The following FOXP4 variants were observed in gnomAD, a reference collection of about 807,000 sequenced individuals.
FOXP4 encodes forkhead box protein P4.
Under a neutral mutation model 82.6 loss-of-function variants are expected in FOXP4, and 25 were observed. The observed-to-expected ratio is 0.30, with a 90% CI of 0.22 to 0.42. The LOEUF (loss-of-function observed/expected upper bound fraction) is 0.42, where lower values mean the gene tolerates loss of function less well. FOXP4 is among the 10% of genes least tolerant of loss of function. The probability of loss-of-function intolerance (pLI) is 1.00; values close to 1 mark genes in which losing one functional copy is unlikely to be tolerated. For synonymous variants in FOXP4, 415 were observed against 388.2 expected (o/e 1.07, Z -0.81); for missense variants, 785 against 900.9 (o/e 0.87, Z 1.65).
At position 41,599,185 on chromosome 6, in the gene FOXP4, A is replaced by T; in HGVS notation, c.*249A>T. The T allele has an allele frequency of 2.6e-6, 1 of 382,314 alleles. No individual in the cohort carries two copies. The highest frequency in any genetic ancestry group is 6.3e-5 in the South Asian group (1 of 15,960). The allele number at this position is 382,314 out of a possible 1,614,324, so 23.7% of individuals were successfully genotyped here. A position where few individuals can be genotyped will look rare whatever the true frequency, so the allele number is the denominator to read the frequency against. ...ACACGGAGGGTTCAGACCCCTCCTCAGACCCTCCCCACATCTGAAACTGCC... is the reference window on the plus strand; with the variant it reads ...ACACGGAGGGTTCAGACCCCTCCTCTGACCCTCCCCACATCTGAAACTGCC... On this transcript the variant is annotated 3_prime_UTR_variant, in exon 17 of 17. Coordinates refer to ENST00000307972, the MANE Select transcript of FOXP4 (RefSeq NM_001012426.2).
Position 41,587,057 on chromosome 6 carries a change from C to G in FOXP4, c.559C>G (p.Gln187Glu), listed in dbSNP as rs760750338. 5 of 1,606,648 alleles carry G rather than the reference C, an allele frequency of 3.1e-6. No individual in the cohort carries two copies. In the African/African-American group the frequency reaches 4.0e-5, roughly 13 times the overall value. The change falls in exon 6 of 17, where the codon CAA (glutamine) becomes GAA (glutamate). Residue 187 changes from glutamine (Q) to glutamate (E), a missense_variant. By Grantham distance (29) the Gln-to-Glu change is conservative (BLOSUM62 2). This residue lies in a region of FOXP4 where 570 missense variants were observed against 634.0 expected (regional missense o/e 0.90). Transcript: ENST00000307972. ...CTTCCAGCAGCAGCTCCTGCAAATG[C>G]AACAGTTGCAGCAGCAGCACCTGCT... ...LAFQQQLLQM[Q>E]QLQQQHLLNL...
intron 3 of FOXP4, among the ~76,000 whole-genome samples, chr6:41,581,882 G>T (rs771329783): frequency 6.6e-6 from 1 of 152,252 alleles, no homozygotes; most frequent in Admixed American, 6.5e-5. Flanking sequence ...AGGAAGGAAA[G>T]GCCACATCCT....
intron 1 of FOXP4, among the ~76,000 whole-genome samples, chr6:41,549,289 T>C (rs914250004): frequency 3.9e-5 from 6 of 151,942 alleles, no homozygotes; most frequent in African/African-American, 1.5e-4. Flanking sequence ...CCCTGAGCCC[T>C]GGAGAGAGAA....
At chr6:41,592,164 C>CCTG (rs1766558541) in intron 13 of FOXP4, among the ~76,000 whole-genome samples, 1 of 152,076 alleles carries the variant, frequency 6.6e-6, no homozygotes, top group Non-Finnish European at 1.5e-5. Context: ...CTTGAGTCCC[C>CCTG]CTGCTGGCCA....
At chr6:41,578,569 G>A (rs542026401) in intron 3 of FOXP4, among the ~76,000 whole-genome samples, 3 of 151,192 alleles carry the variant, frequency 2.0e-5, no homozygotes, top group Non-Finnish European at 4.4e-5. Flanking sequence ...CAGCTCTCTC[G>A]CAGTCTCTCC....
chr6:41,550,241 G>T (rs565532818), intron 1 of FOXP4, among the ~76,000 whole-genome samples: 2 of 152,132 alleles, frequency 1.3e-5, no homozygotes, highest in African/African-American at 4.8e-5. Context: ...TAAGCTCTTC[G>T]AACCTCAATT....
chr6:41,547,930 C>G (rs1176449795), intron 1 of FOXP4, among the ~76,000 whole-genome samples: 1 of 152,374 alleles, frequency 6.6e-6, no homozygotes, highest in Non-Finnish European at 1.5e-5. Flanking sequence ...TAGAATGCGA[C>G]CTGGGGTCCC....
intron 15 of FOXP4, 125 bp from the exon 16 acceptor site, chr6:41,597,656 C>A: frequency 8.0e-7 from 1 of 1,249,260 alleles, no homozygotes; most frequent in Admixed American, 2.3e-5. Flanking sequence ...CCAGACAGAT[C>A]CGCCCGTGGG....
intron 12 of FOXP4, among the ~76,000 whole-genome samples, chr6:41,590,955 A>G (rs961518794): frequency 6.6e-6 from 1 of 152,228 alleles, no homozygotes; most frequent in Non-Finnish European, 1.5e-5. Context: ...TTTTCTCTCC[A>G]GAAGCAGCTC....
intron 8 of FOXP4, 117 bp from the exon 9 acceptor site, chr6:41,588,527 G>A (rs1766300021): frequency 3.1e-6 from 3 of 971,732 alleles, no homozygotes; most frequent in Non-Finnish European, 4.9e-6. Context: ...TCTCTTCTTT[G>A]TATCTCTTGG....
intron 4 of FOXP4, 136 bp from the exon 5 acceptor site, chr6:41,585,295 C>T: frequency 2.3e-6 from 2 of 884,330 alleles, no homozygotes; most frequent in Non-Finnish European, 3.5e-6. Flanking sequence ...CAGGGCCCCT[C>T]CAGGCTGACT....
chr6:41,598,027 G>T, intron 16 of FOXP4, 77 bp downstream of exon 16: 1 of 1,289,550 alleles, frequency 7.8e-7, no homozygotes, highest in Non-Finnish European at 1.0e-6. Context: ...CCCCACCCTG[G>T]GTGGGGTTCC....
intron 3 of FOXP4, among the ~76,000 whole-genome samples, chr6:41,579,808 C>G (rs1765696122): frequency 6.6e-6 from 1 of 152,126 alleles, no homozygotes; most frequent in Non-Finnish European, 1.5e-5. Context: ...CAAATACTTA[C>G]TGAGTACATC....
At chr6:41,590,467 C>T in intron 12 of FOXP4, 120 bp downstream of exon 12, 1 of 1,059,106 alleles carries the variant, frequency 9.4e-7, no homozygotes, top group South Asian at 1.5e-5. Flanking sequence ...CCCGCTCCCT[C>T]TCACGTGGCG....
At chr6:41,598,439 ACCT>A (rs1253408831) in intron 16 of FOXP4, among the ~76,000 whole-genome samples, 1 of 151,582 alleles carries the variant, frequency 6.6e-6, no homozygotes, top group African/African-American at 2.4e-5. Flanking sequence ...GCTGGTCTCG[ACCT>A]CCTGATTTCA....
At chr6:41,571,971 G>A (rs1267102432) in intron 2 of FOXP4, among the ~76,000 whole-genome samples, 3 of 152,140 alleles carry the variant, frequency 2.0e-5, no homozygotes, top group African/African-American at 7.2e-5. Context: ...ACCAGTGAGT[G>A]CTTATTAGGC....
chr6:41,590,497 C>T (rs557746838), intron 12 of FOXP4, 150 bp downstream of exon 12: 28 of 786,166 alleles, frequency 3.6e-5, no homozygotes, highest in African/African-American at 2.3e-4. Context: ...CTCTGCTGTG[C>T]GGGGCTCTCC....
chr6:41,583,970 T>A (rs1339757860), intron 3 of FOXP4, among the ~76,000 whole-genome samples: 8 of 152,218 alleles, frequency 5.3e-5, no homozygotes, highest in Admixed American at 5.2e-4. Context: ...CTCTTATGTT[T>A]TATGTTTGAG....
In FOXP4 at chr6:41,579,676, A is replaced by G. The variant is rs189105778; in HGVS notation, c.300+1595A>G. On this transcript the variant is annotated intron_variant, in intron 3 of 16. Transcript: ENST00000307972. ...CCTTAGGAAACTCCCTCCCTCCAAA[A>G]TAAGAGAGGCCTAGAGGTTTCAGAG... Among the ~76,000 whole-genome samples, 864 of 152,336 alleles carry G rather than the reference A, an allele frequency of 5.7e-3. 8 individuals are homozygous for G. The highest frequency in any genetic ancestry group is 0.02 in the African/African-American group (828 of 41,574).
Sources: allele counts gnomAD v4.1 joint callset (sites outside exome capture counted in the v4.1 genomes callset), GRCh38; gene constraint gnomAD v4.1.1; regional missense constraint gnomAD v4.1.1; transcripts MANE v1.5; gene names NCBI Gene and HGNC (gene_info 2026-07-23, HGNC 2026-07-21).